Variants in COL17A1 observed in about 807,000 individuals in gnomAD.
COL17A1 encodes collagen alpha-1(XVII) chain.
Under a neutral mutation model 218.4 loss-of-function variants are expected in COL17A1, and 181 were observed. The ratio of observed to expected loss-of-function variants is 0.83; its 90% CI spans 0.73 to 0.94. The LOEUF is 0.94. Ranked by LOEUF, COL17A1 falls within the 40% of genes least tolerant of loss-of-function variation. The probability of loss-of-function intolerance (pLI) is 0.00; values close to 1 mark genes in which losing one functional copy is unlikely to be tolerated. For synonymous variants in COL17A1, 721 were observed against 731.0 expected, an observed-to-expected ratio of 0.99 and a Z score of 0.22; for missense variants, 1,924 against 1,945.9, an observed-to-expected ratio of 0.99 and a Z score of 0.21.
chr10:104,034,907 A>G, intron 50 of COL17A1, 140 bp from the exon 51 acceptor site: 1 of 1,050,142 alleles, frequency 9.5e-7, no homozygotes, highest in East Asian at 2.6e-5. Flanking sequence ...AGGAGAGAAA[A>G]GCAGGAGGCC....
At chr10:104,063,566 G>A (rs1038868516) in intron 11 of COL17A1, 181 bp downstream of exon 11, 11 of 964,834 alleles carry the variant, frequency 1.1e-5, no homozygotes, top group Non-Finnish European at 1.8e-5. Flanking sequence ...CCCCTCGCCT[G>A]AGACTTTTCC....
chr10:104,078,506 C>G (rs569940765), intron 3 of COL17A1, 36 bp downstream of exon 3: 2 of 1,614,010 alleles, frequency 1.2e-6, no homozygotes, highest in East Asian at 2.2e-5. Flanking sequence ...TCAAATGTGA[C>G]CTACTGAAAA....
At chr10:104,037,139 C>G in intron 46 of COL17A1, 26 bp from the exon 47 acceptor site, 1 of 1,587,278 alleles carries the variant, frequency 6.3e-7, no homozygotes, top group Non-Finnish European at 8.6e-7. Context: ...CCTCAGGTTA[C>G]CTGCTTAGCA....
Position 104,034,299 on chromosome 10 carries a change from C to T in COL17A1, c.3802G>A (p.Gly1268Ser). The change falls in exon 52 of 56, where the codon GGC becomes AGC. Residue 1268 changes from glycine to serine, a missense_variant. Transcript: ENST00000648076. ...GGGGGTCCCTGCGGCCCAGGAGGGC[C>T]TGGGGGGCCAACAATGAAGCTGCGC... The part of the protein sequence containing the change: ...DVRSFIVGPP[G>S]PPGPQGPPGD... 6.3e-7 allele frequency: 1 copy of T among 1,578,134 alleles called. No individual in the cohort carries two copies. Among genetic ancestry groups the T allele is most frequent in the Non-Finnish European group, 8.6e-7 (1 of 1,165,976 alleles).
At chr10:104,057,352 C>A (rs2086540437) in intron 16 of COL17A1, among the ~76,000 whole-genome samples, 180 bp from the exon 17 acceptor site, 1 of 149,808 alleles carries the variant, frequency 6.7e-6, no homozygotes, top group African/African-American at 2.4e-5. Flanking sequence ...CTGACTGGTG[C>A]TGACCAGAAG....
At chr10:104,079,491 T>G (rs1564687987) in intron 2 of COL17A1, among the ~76,000 whole-genome samples, 3 of 152,276 alleles carry the variant, frequency 2.0e-5, no homozygotes, top group African/African-American at 7.2e-5. Context: ...TGTGCTACTT[T>G]CAGCTGTGCC....
At position 104,056,881 on chromosome 10, in the gene COL17A1, C is replaced by T. The variant is rs770489077; in HGVS notation, c.1465+94G>A. ...ATTCAGGTCCCCTCGCCCCCTAACA[C>T]GTGGGCCCATTCACAGATTCCTGCC... On this transcript the variant is annotated intron_variant, in intron 17 of 55. Coordinates refer to ENST00000648076, the MANE Select transcript of COL17A1 (RefSeq NM_000494.4). 8.4e-6 allele frequency: 13 copies of T among 1,543,840 alleles called. No individual in the cohort carries two copies. The Admixed American group carries it at 1.6e-4, about 19-fold the overall frequency.
At chr10:104,076,217 T>C (rs1446446313) in intron 5 of COL17A1, 84 bp downstream of exon 5, 4 of 1,604,288 alleles carry the variant, frequency 2.5e-6, no homozygotes, top group Non-Finnish European at 2.6e-6. Context: ...CAGACACAGG[T>C]GGCCAGCATG....
At chr10:104,044,331 T>C (rs573017421) in intron 33 of COL17A1, among the ~76,000 whole-genome samples, 2 of 152,332 alleles carry the variant, frequency 1.3e-5, no homozygotes, top group Admixed American at 1.3e-4. Flanking sequence ...TGGGTAAGTC[T>C]AAGAAGGTCT....
At chr10:104,064,384 T>C (rs1424286250) in intron 10 of COL17A1, 54 bp downstream of exon 10, 3 of 1,612,618 alleles carry the variant, frequency 1.9e-6, no homozygotes, top group East Asian at 2.2e-5. Context: ...AGCTCCAGGA[T>C]AGAGGCATGC....
intron 27 of COL17A1, 56 bp from the exon 28 acceptor site, chr10:104,050,180 T>C: frequency 6.2e-7 from 1 of 1,612,032 alleles, no homozygotes; most frequent in Non-Finnish European, 8.5e-7. Context: ...AGGAAAACAC[T>C]CTCACCCAGT....
At chr10:104,039,203 G>C in intron 43 of COL17A1, 82 bp from the exon 44 acceptor site, 1 of 1,389,438 alleles carries the variant, frequency 7.2e-7, no homozygotes, top group Non-Finnish European at 1.0e-6. Flanking sequence ...ATTAGTGTGT[G>C]TCTCAACAAT....
At chr10:104,036,089 A>AGTGTATGG (rs1564671241) in intron 48 of COL17A1, among the ~76,000 whole-genome samples, 21 of 1,512 alleles carry the variant, frequency 0.014, no homozygotes, top group Admixed American at 0.026. Context: ...TGTGTATGGG[A>AGTGTATGG]GTGTGTGTGT....
chr10:104,034,379 G>T, intron 51 of COL17A1, 45 bp from the exon 52 acceptor site: 1 of 1,529,812 alleles, frequency 6.5e-7, no homozygotes, highest in Non-Finnish European at 8.7e-7. Context: ...GATCTCGGTG[G>T]AGAGAAAGAC....
chr10:104,085,709 T>C lies in COL17A1; in HGVS notation c.-12+14A>G. On this transcript the variant is annotated intron_variant, in intron 1 of 55. Transcript: ENST00000648076. ...CAGAGAAAAGGAGAAAGGTCAGTCT[T>C]CCTGTTTACTTACCTGGTTTGAGGT... 6.6e-6 allele frequency: 1 copy of C among 152,664 alleles called. No individual in the cohort carries two copies. The highest frequency in any genetic ancestry group is 1.9e-4 in the East Asian group (1 of 5,202). 9.5% of individuals were successfully genotyped at this position (152,664 alleles called of 1,614,324 possible).
intron 31 of COL17A1, among the ~76,000 whole-genome samples, chr10:104,047,064 C>T (rs2086418018): frequency 6.6e-6 from 1 of 152,322 alleles, no homozygotes; most frequent in African/African-American, 2.4e-5. Context: ...ATCCGGAATG[C>T]TCAACACTCA....
chr10:104,036,105 A>AGTGTGAGTATGGGT (rs2086291315), intron 48 of COL17A1, among the ~76,000 whole-genome samples: 2 of 826 alleles, frequency 2.4e-3, no homozygotes, highest in African/African-American at 5.3e-3. Flanking sequence ...TGTGTATGGG[A>AGTGTGAGTATGGGT]GTGTGTGTGT....
At chr10:104,069,609 A>G (rs2134644057) in intron 9 of COL17A1, among the ~76,000 whole-genome samples, 1 of 152,336 alleles carries the variant, frequency 6.6e-6, no homozygotes, top group South Asian at 2.1e-4. Flanking sequence ...ATGGACTCCC[A>G]TATTTAGATA....
At chr10:104,045,288 C>T (rs988028841) in intron 33 of COL17A1, among the ~76,000 whole-genome samples, 1 of 152,194 alleles carries the variant, frequency 6.6e-6, no homozygotes. Context: ...GTACTAAAGC[C>T]TCCTCTCAGG....
Sources: gnomAD v4.1 joint callset for allele counts (sites outside exome capture counted in the v4.1 genomes callset) on GRCh38, gnomAD v4.1.1 for gene constraint, MANE v1.5 for transcripts, NCBI Gene and HGNC (gene_info 2026-07-23, HGNC 2026-07-21) for gene names.